Variants in CPA6 observed in about 807,000 individuals in gnomAD.
The protein encoded by CPA6 is carboxypeptidase B.
Under a neutral mutation model 63.3 loss-of-function variants are expected in CPA6, and 58 were observed. That is an observed-to-expected ratio of 0.92 (90% CI 0.74 to 1.14). CPA6 has a LOEUF of 1.14. CPA6 is among the 50% of genes most tolerant of loss of function. CPA6 has a pLI of 0.00. For missense variants in CPA6, 565 were observed against 526.6 expected, an observed-to-expected ratio of 1.07 and a Z score of -0.71; for synonymous variants, 185 against 179.0, an observed-to-expected ratio of 1.03 and a Z score of -0.27.
chr8:67,462,927 C>G (rs1296276896), intron 8 of CPA6, among the ~76,000 whole-genome samples: 1 of 152,096 alleles, frequency 6.6e-6, no homozygotes, highest in Non-Finnish European at 1.5e-5. Context: ...GCTCTATTGA[C>G]TTTTGATAAA....
chr8:67,625,558 T>C (rs1037680550), intron 1 of CPA6, among the ~76,000 whole-genome samples: 2 of 152,172 alleles, frequency 1.3e-5, no homozygotes, highest in Non-Finnish European at 2.9e-5. Flanking sequence ...TTCAATGTCT[T>C]TTGCATAGAG....
chr8:67,632,183 TTTTCTC>T (rs1424397938), intron 1 of CPA6, among the ~76,000 whole-genome samples: 5 of 147,928 alleles, frequency 3.4e-5, no homozygotes, highest in African/African-American at 1.3e-4. Flanking sequence ...TGTGTGTGTG[TTTTCTC>T]AGAGACAGTC....
At chr8:67,483,604 CT>C in intron 8 of CPA6, 163 bp downstream of exon 8, 2 of 610,982 alleles carry the variant, frequency 3.3e-6, no homozygotes, top group Admixed American at 5.6e-5. Context: ...CTTTCATTTT[CT>C]TTTGCCAATT....
At chr8:67,558,391 T>C (rs1473627389) in intron 2 of CPA6, among the ~76,000 whole-genome samples, 1 of 152,232 alleles carries the variant, frequency 6.6e-6, no homozygotes, top group East Asian at 1.9e-4. Flanking sequence ...AGGAGAATAA[T>C]ATAAACTCCA....
At chr8:67,632,916 G>A (rs1815376551) in intron 1 of CPA6, among the ~76,000 whole-genome samples, 1 of 152,100 alleles carries the variant, frequency 6.6e-6, no homozygotes, top group African/African-American at 2.4e-5. Context: ...ATATAAAAAG[G>A]TCTATATATA....
chr8:67,434,390 C>G, intron 8 of CPA6, 150 bp from the exon 9 acceptor site: 1 of 737,980 alleles, frequency 1.4e-6, no homozygotes, highest in Non-Finnish European at 2.2e-6. Flanking sequence ...TTATGGAAAT[C>G]AGTACAAAAG....
rs761120196 is a variant in CPA6 at position 67,591,069 on chromosome 8, G to A, written c.192+33107C>T. 8.3e-3 allele frequency among the ~76,000 whole-genome samples: 1,255 copies of A among 150,656 alleles called. 17 individuals are homozygous for A. The highest frequency in any genetic ancestry group is 0.027 in the African/African-American group (1,124 of 41,366). ...TCTTGAATTAATTTTTGTATAAGGTGTAAGGAAGGGATCCAGTTTCAGCTT... is the reference window on the plus strand; with the variant it reads ...TCTTGAATTAATTTTTGTATAAGGTATAAGGAAGGGATCCAGTTTCAGCTT... On this transcript the variant is annotated intron_variant, in intron 2 of 10. Transcript: ENST00000297770.
chr8:67,661,458 A>C (rs1238505108), intron 1 of CPA6, among the ~76,000 whole-genome samples: 2 of 152,200 alleles, frequency 1.3e-5, no homozygotes, highest in African/African-American at 4.8e-5. Context: ...AACTTCAGGA[A>C]GGCTAGCCTT....
intron 2 of CPA6, among the ~76,000 whole-genome samples, chr8:67,593,305 C>G (rs1369907942): frequency 2.3e-3 from 347 of 150,890 alleles, no homozygotes; most frequent in African/African-American, 7.3e-3. Context: ...TTACTTCCAA[C>G]TATGTGGTCA....
At chr8:67,724,981 C>T (rs914628001) in intron 1 of CPA6, among the ~76,000 whole-genome samples, 4 of 152,126 alleles carry the variant, frequency 2.6e-5, no homozygotes, top group African/African-American at 9.7e-5. Flanking sequence ...AGGAGAAGTC[C>T]CTTATAACTT....
At chr8:67,615,313 T>C (rs1318764888) in intron 2 of CPA6, among the ~76,000 whole-genome samples, 1 of 152,234 alleles carries the variant, frequency 6.6e-6, no homozygotes, top group Non-Finnish European at 1.5e-5. Flanking sequence ...ATACACTTGA[T>C]AGAAAACCTC....
chr8:67,652,192 G>A (rs1473376167), intron 1 of CPA6, among the ~76,000 whole-genome samples: 9 of 152,058 alleles, frequency 5.9e-5, no homozygotes, highest in Admixed American at 1.3e-4. Flanking sequence ...GAATAGTGCC[G>A]CAATAAACAT....
At chr8:67,639,285 T>C (rs1815536909) in intron 1 of CPA6, among the ~76,000 whole-genome samples, 1 of 151,680 alleles carries the variant, frequency 6.6e-6, no homozygotes, top group Admixed American at 6.6e-5. Context: ...TGCCTGAGTT[T>C]TGCTTTGGCC....
chr8:67,521,567 GA>G (rs1812258268), intron 2 of CPA6, among the ~76,000 whole-genome samples: 1 of 152,210 alleles, frequency 6.6e-6, no homozygotes, highest in African/African-American at 2.4e-5. Flanking sequence ...CATATGAAAA[GA>G]AGGGCTGAGG....
chr8:67,592,734 T>G (rs1428712583), intron 2 of CPA6, among the ~76,000 whole-genome samples: 1 of 152,296 alleles, frequency 6.6e-6, no homozygotes, highest in South Asian at 2.1e-4. Context: ...GGTGATGATA[T>G]CCCCTTTATC....
At chr8:67,516,122 ACT>A (rs1020344695) in intron 3 of CPA6, among the ~76,000 whole-genome samples, 11 of 151,606 alleles carry the variant, frequency 7.3e-5, no homozygotes, top group Admixed American at 3.9e-4. Context: ...TCAGTGTCAC[ACT>A]CTCTCTTCTC....
chr8:67,516,648 A>G (rs1812149998), intron 3 of CPA6, among the ~76,000 whole-genome samples: 1 of 152,322 alleles, frequency 6.6e-6, no homozygotes, highest in East Asian at 1.9e-4. Flanking sequence ...AGAGTCACCA[A>G]TGTTCTTTCT....
At chr8:67,494,770 T>C (rs955120908) in intron 6 of CPA6, among the ~76,000 whole-genome samples, 3 of 152,222 alleles carry the variant, frequency 2.0e-5, no homozygotes, top group Non-Finnish European at 4.4e-5. Context: ...ACTTCTACGA[T>C]CTTCCATCCC....
chr8:67,557,764 C>A (rs1217294959), intron 2 of CPA6, among the ~76,000 whole-genome samples: 2 of 152,154 alleles, frequency 1.3e-5, no homozygotes, highest in Non-Finnish European at 2.9e-5. Context: ...GTCATAAGTT[C>A]AGCATTAAGT....
Sources: gnomAD v4.1 joint callset for allele counts (sites outside exome capture counted in the v4.1 genomes callset) on GRCh38, gnomAD v4.1.1 for gene constraint, MANE v1.5 for transcripts, NCBI Gene and HGNC (gene_info 2026-07-23, HGNC 2026-07-21) for gene names.